The following AUTS2 variants were observed in gnomAD, a reference collection of about 807,000 sequenced individuals.
The protein encoded by AUTS2 is activator of transcription and developmental regulator AUTS2.
In AUTS2, 17 loss-of-function variants were observed where a neutral mutation model predicts 112.4. The observed-to-expected ratio is 0.15, with a 90% CI of 0.10 to 0.23. The LOEUF (loss-of-function observed/expected upper bound fraction) is 0.23. Ranked by LOEUF, AUTS2 falls within the 10% of genes least tolerant of loss-of-function variation. The pLI is 1.00. For synonymous variants in AUTS2, 751 were observed against 702.7 expected (o/e 1.07, Z -1.09); for missense variants, 1,510 against 1,701.6 (o/e 0.89, Z 1.98).
At chr7:70,560,673 A>G (rs1801450652) in intron 5 of AUTS2, among the ~76,000 whole-genome samples, 2 of 152,368 alleles carry the variant, frequency 1.3e-5, no homozygotes, top group Admixed American at 6.5e-5. Flanking sequence ...AGGATAGATT[A>G]TTATTTCAAG....
chr7:69,993,659 G>T (rs1798828922), intron 2 of AUTS2, among the ~76,000 whole-genome samples: 1 of 151,234 alleles, frequency 6.6e-6, no homozygotes, highest in African/African-American at 2.4e-5. Flanking sequence ...GCTTGAGCCT[G>T]TGATGTACAG....
At chr7:70,163,368 A>G (rs980201417) in intron 4 of AUTS2, among the ~76,000 whole-genome samples, 1,086 of 6,024 alleles carry the variant, frequency 0.18, 1 homozygote, top group Admixed American at 0.22. Flanking sequence ...GCAGAGGGGG[A>G]GGGAGAAGGA....
intron 1 of AUTS2, among the ~76,000 whole-genome samples, chr7:69,775,375 G>A (rs570493702): frequency 6.6e-6 from 1 of 152,224 alleles, no homozygotes; most frequent in East Asian, 1.9e-4. Flanking sequence ...CAGTCATCAC[G>A]GCTTTTAGGC....
At chr7:69,842,365 C>T (rs967275589) in intron 1 of AUTS2, among the ~76,000 whole-genome samples, 1 of 152,194 alleles carries the variant, frequency 6.6e-6, no homozygotes, top group African/African-American at 2.4e-5. Context: ...CTTTAAAGCA[C>T]ATACCTTAGG....
intron 1 of AUTS2, among the ~76,000 whole-genome samples, chr7:69,684,681 A>G (rs926408845): frequency 4.6e-5 from 7 of 152,218 alleles, no homozygotes; most frequent in African/African-American, 1.2e-4. Context: ...GCAAATGGGA[A>G]GAGTAAATAT....
intron 5 of AUTS2, among the ~76,000 whole-genome samples, chr7:70,486,474 C>T (rs769504682): frequency 7.2e-5 from 11 of 152,176 alleles, no homozygotes; most frequent in Non-Finnish European, 1.2e-4. Flanking sequence ...CGGTGGCTCA[C>T]GCCTGTAATC....
chr7:70,011,636 A>G (rs1276860582), intron 2 of AUTS2, among the ~76,000 whole-genome samples: 3 of 152,130 alleles, frequency 2.0e-5, no homozygotes, highest in African/African-American at 7.2e-5. Flanking sequence ...GGATGTATAA[A>G]TGGAAGGTGG....
At chr7:70,624,051 G>A (rs777560198) in intron 5 of AUTS2, among the ~76,000 whole-genome samples, 15 of 152,136 alleles carry the variant, frequency 9.9e-5, no homozygotes, top group Admixed American at 2.0e-4. Context: ...TAGCATTAGC[G>A]TATCTTCCTC....
chr7:69,869,310 G>T (rs1230528044), intron 1 of AUTS2, among the ~76,000 whole-genome samples: 3 of 152,064 alleles, frequency 2.0e-5, no homozygotes, highest in African/African-American at 7.2e-5. Context: ...AGCCCTTCCT[G>T]CCACAGTACC....
At chr7:70,141,448 T>G (rs1348432650) in intron 4 of AUTS2, among the ~76,000 whole-genome samples, 2 of 152,178 alleles carry the variant, frequency 1.3e-5, no homozygotes, top group Non-Finnish European at 2.9e-5. Flanking sequence ...TAAGTGTGTA[T>G]TTAAGTGTAA....
intron 4 of AUTS2, among the ~76,000 whole-genome samples, chr7:70,286,717 A>G: frequency 6.6e-6 from 1 of 152,208 alleles, no homozygotes; most frequent in East Asian, 1.9e-4. Context: ...GGTAGATCCT[A>G]AAGTAGTATT....
rs1319310088 is a variant in AUTS2, at chr7:69,729,421, C to A, written c.309+129459C>A. Among the ~76,000 whole-genome samples the A allele has an allele frequency of 6.2e-3, 725 of 117,290 alleles. 14 individuals are homozygous for A. Among genetic ancestry groups the A allele is most frequent in the African/African-American group, 0.028 (689 of 24,864 alleles). The allele number at this position is 117,290 out of a possible 152,430, so 76.9% of individuals were successfully genotyped here. A position where few individuals can be genotyped will look rare whatever the true frequency, so the allele number is the denominator to read the frequency against. ...AAGAGTTTTAAATGTCCCCCAACAC[C>A]CCCCCCCCCATTTTTATACTTTTAT... On this transcript the variant is annotated intron_variant, in intron 1 of 18. Transcript: ENST00000342771.
At chr7:70,321,157 G>A (rs956316390) in intron 4 of AUTS2, among the ~76,000 whole-genome samples, 2 of 152,172 alleles carry the variant, frequency 1.3e-5, no homozygotes, top group African/African-American at 4.8e-5. Flanking sequence ...TGAAAGGTTG[G>A]AAATCTGAGG....
intron 4 of AUTS2, among the ~76,000 whole-genome samples, chr7:70,246,828 T>C (rs1584928326): frequency 6.6e-6 from 1 of 152,202 alleles, no homozygotes; most frequent in Non-Finnish European, 1.5e-5. Flanking sequence ...TCCTTGAATA[T>C]AATATTTATC....
At chr7:70,657,685 C>T (rs756169473) in intron 5 of AUTS2, among the ~76,000 whole-genome samples, 35 of 152,198 alleles carry the variant, frequency 2.3e-4, no homozygotes, top group Non-Finnish European at 5.0e-4. Context: ...ACTAAGGGAT[C>T]TGAGCTGTAA....
intron 2 of AUTS2, among the ~76,000 whole-genome samples, chr7:70,005,103 G>T (rs1435537950): frequency 1.3e-5 from 2 of 152,068 alleles, no homozygotes; most frequent in Non-Finnish European, 2.9e-5. Flanking sequence ...AGGATTAGAG[G>T]TGCGAGCCAC....
chr7:70,007,056 A>G (rs1799576199), intron 2 of AUTS2, among the ~76,000 whole-genome samples: 1 of 152,106 alleles, frequency 6.6e-6, no homozygotes, highest in South Asian at 2.1e-4. Context: ...GTTTATCCTT[A>G]ATTACTTTTT....
chr7:70,134,584 C>G lies in AUTS2; in HGVS notation c.660+13C>G. Reference sequence around the variant, plus strand: ...AACAGGCTACTTCGTAAGTCTATCTCAACTTCCACATATGTGCCTTGCATT... The same window carrying G: ...AACAGGCTACTTCGTAAGTCTATCTGAACTTCCACATATGTGCCTTGCATT... On this transcript the variant is annotated intron_variant, in intron 4 of 18. Coordinates refer to ENST00000342771, the MANE Select transcript of AUTS2 (RefSeq NM_015570.4). The G allele has an allele frequency of 1.2e-6, 2 of 1,612,374 alleles. No individual in the cohort carries two copies. Among genetic ancestry groups the G allele is most frequent in the Non-Finnish European group, 1.7e-6 (2 of 1,178,590 alleles).
chr7:70,065,421 C>T (rs1010886886), intron 2 of AUTS2, among the ~76,000 whole-genome samples: 7 of 152,094 alleles, frequency 4.6e-5, no homozygotes, highest in African/African-American at 9.7e-5. Flanking sequence ...TTGCCAGGCA[C>T]GGTGGCTAAC....
Sources: gnomAD v4.1 joint callset for allele counts (sites outside exome capture counted in the v4.1 genomes callset) on GRCh38, gnomAD v4.1.1 for gene constraint, MANE v1.5 for transcripts, NCBI Gene and HGNC (gene_info 2026-07-23, HGNC 2026-07-21) for gene names.